Variants in SMAP1 observed in about 807,000 individuals in gnomAD.
SMAP1 encodes small ArfGAP 1, also known as stromal membrane-associated protein 1.
In SMAP1, 24 loss-of-function variants were observed where a neutral mutation model predicts 58.5. The observed-to-expected ratio is 0.41, with a 90% CI of 0.30 to 0.58. The LOEUF is 0.58. Ranked by LOEUF, SMAP1 falls within the 20% of genes least tolerant of loss-of-function variation. The probability of loss-of-function intolerance (pLI) is 0.29; values close to 1 mark genes in which losing one functional copy is unlikely to be tolerated. For synonymous variants in SMAP1, 216 were observed against 196.6 expected (o/e 1.10, Z -0.82); for missense variants, 563 against 566.3 (o/e 0.99, Z 0.06).
chr6:70,759,528 A>G (rs1766659843), intron 3 of SMAP1, among the ~76,000 whole-genome samples: 1 of 152,092 alleles, frequency 6.6e-6, no homozygotes, highest in South Asian at 2.1e-4. Flanking sequence ...ATTGTTTTCA[A>G]ATTATCATGA....
intron 1 of SMAP1, among the ~76,000 whole-genome samples, chr6:70,669,609 G>A (rs1766181277): frequency 6.6e-6 from 1 of 152,186 alleles, no homozygotes; most frequent in South Asian, 2.1e-4. Flanking sequence ...TCTGCACTGT[G>A]TTTAGGCTCA....
intron 7 of SMAP1, chr6:70,838,014 A>G: frequency 1.2e-6 from 1 of 811,950 alleles, no homozygotes; most frequent in Non-Finnish European, 1.5e-6. Context: ...GTGTATTAGA[A>G]ATATAAAAAA....
Position 70,729,786 on chromosome 6 carries a change from C to T in SMAP1, c.119-2592C>T, listed in dbSNP as rs532945828. Among the ~76,000 whole-genome samples the T allele has an allele frequency of 4.6e-5, 7 of 152,158 alleles. No individual in the cohort carries two copies. In the South Asian group the frequency reaches 8.3e-4, roughly 18 times the overall value. On this transcript the variant is annotated intron_variant, in intron 1 of 10. Transcript: ENST00000370455. ...GCCACATTTATCAGTCCCTTAATTACGTTAGTTATGTGAAAGCAAATCAGG... is the reference window on the plus strand; with the variant it reads ...GCCACATTTATCAGTCCCTTAATTATGTTAGTTATGTGAAAGCAAATCAGG...
At chr6:70,688,096 A>G (rs1185627552) in intron 1 of SMAP1, among the ~76,000 whole-genome samples, 1 of 152,180 alleles carries the variant, frequency 6.6e-6, no homozygotes, top group Admixed American at 6.5e-5. Context: ...ACTCAGTGTA[A>G]TTCTTTCAAG....
intron 6 of SMAP1, among the ~76,000 whole-genome samples, chr6:70,803,451 G>T (rs940188425): frequency 5.9e-5 from 9 of 152,004 alleles, no homozygotes; most frequent in Admixed American, 6.6e-5. Context: ...ACCACTCCTG[G>T]ATTCATTGAT....
intron 1 of SMAP1, among the ~76,000 whole-genome samples, chr6:70,728,118 G>A (rs899508940): frequency 1.3e-5 from 2 of 152,100 alleles, no homozygotes; most frequent in African/African-American, 4.8e-5. Flanking sequence ...CCTTCACATT[G>A]GTCTGGACAT....
At chr6:70,670,766 A>T (rs1434426737) in intron 1 of SMAP1, among the ~76,000 whole-genome samples, 1 of 152,218 alleles carries the variant, frequency 6.6e-6, no homozygotes, top group Non-Finnish European at 1.5e-5. Flanking sequence ...GAGAATATGT[A>T]CCAAAACTAA....
At chr6:70,858,515 A>G (rs1771545509) in intron 10 of SMAP1, 1 of 237,680 alleles carries the variant, frequency 4.2e-6, no homozygotes, top group Non-Finnish European at 8.1e-6. Context: ...ACTAATGGCC[A>G]GAAATTATCT....
chr6:70,770,243 C>G (rs1045236339), intron 3 of SMAP1, among the ~76,000 whole-genome samples: 24 of 151,576 alleles, frequency 1.6e-4, no homozygotes, highest in Non-Finnish European at 3.1e-4. Context: ...TTGCTCTTCT[C>G]GAGGAGTATC....
chr6:70,825,318 C>T (rs1396841806), intron 6 of SMAP1, among the ~76,000 whole-genome samples: 1 of 152,158 alleles, frequency 6.6e-6, no homozygotes, highest in Admixed American at 6.5e-5. Context: ...GACTTGTTCA[C>T]AGTCACCCAG....
rs1431240847 is a variant in SMAP1 at position 70,829,453 on chromosome 6, T to C, written c.577-7488T>C. 2.0e-5 allele frequency among the ~76,000 whole-genome samples: 3 copies of C among 152,128 alleles called. No individual in the cohort carries two copies. In the East Asian group the frequency reaches 5.8e-4, roughly 29 times the overall value. The stretch of plus-strand genomic sequence containing the variant: ...TTTCTGTTATGTCATTGTAAGAATA[T>C]GCATGTATTGTTAAGCATTGGGTAA... On this transcript the variant is annotated intron_variant, in intron 6 of 10. Transcript: ENST00000370455.
chr6:70,860,384 G>A lies in SMAP1; in HGVS notation c.*50G>A. ...GAACTACCACCTGACATTCCTTGCT[G>A]AAACGCATCTAGTTCCCCTGTTTAT... is the stretch of plus-strand genomic sequence containing the variant. On this transcript the variant is annotated 3_prime_UTR_variant, in exon 11 of 11. Transcript: ENST00000370455. 1 of 1,568,276 alleles carries A rather than the reference G, an allele frequency of 6.4e-7. No homozygotes were observed. Among genetic ancestry groups the A allele is most frequent in the East Asian group, 2.3e-5 (1 of 44,170 alleles).
chr6:70,771,156 C>T (rs1287370637), intron 3 of SMAP1, among the ~76,000 whole-genome samples: 2 of 152,196 alleles, frequency 1.3e-5, no homozygotes, highest in Non-Finnish European at 2.9e-5. Flanking sequence ...ACAGTCTGCC[C>T]CTACTGGGGG....
chr6:70,760,296 A>G (rs1000788113), intron 3 of SMAP1, among the ~76,000 whole-genome samples: 6 of 152,022 alleles, frequency 3.9e-5, no homozygotes, highest in Non-Finnish European at 5.9e-5. Flanking sequence ...AATTTTTCAA[A>G]CTAAATGTTA....
At chr6:70,763,732 T>G (rs991720243) in intron 3 of SMAP1, among the ~76,000 whole-genome samples, 4 of 152,328 alleles carry the variant, frequency 2.6e-5, no homozygotes, top group African/African-American at 9.6e-5. Flanking sequence ...ACAGCCTTTT[T>G]GCTGATATGG....
intron 7 of SMAP1, among the ~76,000 whole-genome samples, chr6:70,837,446 T>C (rs1263942674): frequency 6.6e-6 from 1 of 152,118 alleles, no homozygotes; most frequent in Non-Finnish European, 1.5e-5. Flanking sequence ...TAAAATAAAA[T>C]TTAATTTTGG....
chr6:70,852,439 C>A, intron 7 of SMAP1, 101 bp from the exon 8 acceptor site: 1 of 1,184,704 alleles, frequency 8.4e-7, no homozygotes, highest in Non-Finnish European at 1.1e-6. Context: ...AACTTTTGAA[C>A]TGTTCTTTTT....
rs1265885383 is a variant in SMAP1, at chr6:70,824,183, TTCGTTCAGCTTTTTAC to T, written c.577-12752_577-12737del. The stretch of plus-strand genomic sequence containing the variant: ...TTAAAAAGAGTTGTTTATTTTCCAG[TTCGTTCAGCTTTTTAC>T]TCGTTAAAACAGGATGGTGACTTGC... On this transcript the variant is annotated intron_variant, in intron 6 of 10. Transcript: ENST00000370455. 2.6e-5 allele frequency among the ~76,000 whole-genome samples: 4 copies of T among 152,118 alleles called. No individual in the cohort carries two copies. In the East Asian group the frequency reaches 7.7e-4, roughly 29 times the overall value.
At chr6:70,693,322 T>A (rs113346345) in intron 1 of SMAP1, among the ~76,000 whole-genome samples, 42 of 115,312 alleles carry the variant, frequency 3.6e-4, no homozygotes, top group Admixed American at 6.2e-4. Context: ...TTTTTTTTTT[T>A]AAGACAGAGT....
Sources: allele counts gnomAD v4.1 joint callset (sites outside exome capture counted in the v4.1 genomes callset), GRCh38; gene constraint gnomAD v4.1.1; transcripts MANE v1.5; gene names NCBI Gene and HGNC (gene_info 2026-07-23, HGNC 2026-07-21).